The following LYN variants were observed in gnomAD, a reference collection of about 807,000 sequenced individuals.
LYN encodes tyrosine-protein kinase Lyn.
In LYN, 12 loss-of-function variants were observed where a neutral mutation model predicts 65.0. The ratio of observed to expected loss-of-function variants is 0.18; its 90% CI spans 0.12 to 0.30. LYN has a LOEUF of 0.30. LYN is among the 10% of genes least tolerant of loss of function. The pLI is 1.00. For missense variants in LYN, 380 were observed against 623.2 expected, an observed-to-expected ratio of 0.61 and a Z score of 4.16; for synonymous variants, 222 against 221.2, an observed-to-expected ratio of 1.00 and a Z score of -0.03.
rs1805288375 is a variant in LYN, at chr8:55,902,318, A to ACTTC, written c.-6+22218_-6+22219insCCTT. On this transcript the variant is annotated intron_variant, in intron 1 of 12. Coordinates refer to ENST00000519728, the MANE Select transcript of LYN (RefSeq NM_002350.4). ...CCATTGCGCCTGGCCGTAACAGTGT[A>ACTTC]CTTTCTTTCTTTCTTTTTTTTTTTT... is the stretch of plus-strand genomic sequence containing the variant. Among the ~76,000 whole-genome samples, 4 of 115,660 alleles carry ACTTC rather than the reference A, an allele frequency of 3.5e-5. No individual in the cohort carries two copies. In the Admixed American group the frequency reaches 4.0e-4, roughly 12 times the overall value. 75.9% of individuals were successfully genotyped at this position (115,660 alleles called of 152,430 possible).
chr8:55,965,745 T>A (rs1392986644), intron 8 of LYN, among the ~76,000 whole-genome samples: 1 of 152,222 alleles, frequency 6.6e-6, no homozygotes, highest in Non-Finnish European at 1.5e-5. Context: ...TGTGTATGTA[T>A]ATGTATGTAA....
In LYN at chr8:56,012,507, T is replaced by G. The variant is rs1808845645; in HGVS notation, c.*2397T>G. Reference sequence around the variant, plus strand: ...GGGAGGCTAAGGCAGGAGGATCGCTTGAGCTCAGGAGTTAGACACCAGCCT... The same window carrying G: ...GGGAGGCTAAGGCAGGAGGATCGCTGGAGCTCAGGAGTTAGACACCAGCCT... On this transcript the variant is annotated 3_prime_UTR_variant, in exon 13 of 13. Coordinates refer to ENST00000519728, the MANE Select transcript of LYN (RefSeq NM_002350.4). 2 of 162,642 alleles carry G rather than the reference T, an allele frequency of 1.2e-5. No individual in the cohort carries two copies. The highest frequency in any genetic ancestry group is 1.4e-5 in the Non-Finnish European group (1 of 74,058). The allele number at this position is 162,642 out of a possible 1,614,324, so 10.1% of individuals were successfully genotyped here. A position where few individuals can be genotyped will look rare whatever the true frequency, so the allele number is the denominator to read the frequency against.
rs144150282 is a variant in LYN, at chr8:55,978,408, G to A, written c.1050+8615G>A. Among the ~76,000 whole-genome samples the A allele has an allele frequency of 5.8e-3, 878 of 152,358 alleles. 5 individuals carry two copies. Among genetic ancestry groups the A allele is most frequent in the Non-Finnish European group, 8.9e-3 (607 of 68,032 alleles). On this transcript the variant is annotated intron_variant, in intron 10 of 12. Transcript: ENST00000519728. The stretch of plus-strand genomic sequence containing the variant: ...AGCTGAGGACCGCCATTGCGGGCAC[G>A]GGGTTGAGGTGGCTGATGAAATTAG...
At chr8:55,921,107 G>T (rs16922408) in intron 1 of LYN, among the ~76,000 whole-genome samples, 6,877 of 152,280 alleles carry the variant, frequency 0.045, 187 homozygotes, top group African/African-American at 0.08. Flanking sequence ...CGTCTGAAAC[G>T]AAAACAATTT....
intron 8 of LYN, among the ~76,000 whole-genome samples, chr8:55,958,936 T>C (rs1471486716): frequency 6.6e-6 from 1 of 152,240 alleles, no homozygotes; most frequent in Non-Finnish European, 1.5e-5. Flanking sequence ...CAGATACCTC[T>C]CTGAGACCTT....
chr8:55,910,735 G>A (rs1316545183), intron 1 of LYN, among the ~76,000 whole-genome samples: 2 of 151,950 alleles, frequency 1.3e-5, no homozygotes, highest in Non-Finnish European at 2.9e-5. Flanking sequence ...TTCCCAATAA[G>A]GCTATAAGCT....
chr8:55,932,146 G>C (rs1362321060), intron 1 of LYN, among the ~76,000 whole-genome samples: 1 of 152,092 alleles, frequency 6.6e-6, no homozygotes, highest in Non-Finnish European at 1.5e-5. Flanking sequence ...AGGGATACCA[G>C]AAAGAAGCAG....
At chr8:55,887,044 T>G (rs1363957233) in intron 1 of LYN, among the ~76,000 whole-genome samples, 1 of 152,244 alleles carries the variant, frequency 6.6e-6, no homozygotes, top group Admixed American at 6.5e-5. Context: ...ATAGGGAGGT[T>G]TATTAAACAA....
intron 8 of LYN, among the ~76,000 whole-genome samples, chr8:55,963,879 T>C (rs971885676): frequency 1.3e-5 from 2 of 152,262 alleles, no homozygotes; most frequent in African/African-American, 4.8e-5. Flanking sequence ...TGATTTGCTA[T>C]GGATATGCTC....
intron 1 of LYN, among the ~76,000 whole-genome samples, chr8:55,898,673 A>C (rs1805183628): frequency 6.6e-6 from 1 of 152,234 alleles, no homozygotes; most frequent in Admixed American, 6.5e-5. Context: ...GTATGTTCAC[A>C]GAGTTGTGCA....
intron 4 of LYN, among the ~76,000 whole-genome samples, chr8:55,948,049 C>A (rs1234450735): frequency 6.6e-6 from 1 of 152,142 alleles, no homozygotes; most frequent in African/African-American, 2.4e-5. Flanking sequence ...TCATAGCTCA[C>A]TGCAGCCTTG....
intron 1 of LYN, among the ~76,000 whole-genome samples, chr8:55,907,855 G>A (rs781763302): frequency 1.3e-5 from 2 of 152,084 alleles, no homozygotes; most frequent in African/African-American, 2.4e-5. Context: ...GACAGAGTGA[G>A]ACCCTGTTTC....
chr8:55,991,844 A>T (rs1036614857), intron 10 of LYN, among the ~76,000 whole-genome samples: 7 of 152,216 alleles, frequency 4.6e-5, no homozygotes, highest in African/African-American at 1.4e-4. Context: ...AGAAAATACC[A>T]TCATATGTTT....
In LYN at chr8:55,880,095, C is replaced by G; in HGVS notation, c.-14C>G. On this transcript the variant is annotated 5_prime_UTR_variant, in exon 1 of 13. Transcript: ENST00000519728. ...AGCTCCGCCGCCCCGAAACTTTCACCGCGAGCGGGTGAGTCCTCTGCGCGA... is the reference window on the plus strand; with the variant it reads ...AGCTCCGCCGCCCCGAAACTTTCACGGCGAGCGGGTGAGTCCTCTGCGCGA... 3.3e-6 allele frequency: 1 copy of G among 301,610 alleles called. No individual in the cohort carries two copies. The highest frequency in any genetic ancestry group is 2.5e-5 in the South Asian group (1 of 40,364). 18.7% of individuals were successfully genotyped at this position (301,610 alleles called of 1,614,324 possible).
intron 1 of LYN, among the ~76,000 whole-genome samples, chr8:55,887,557 AATAT>A (rs1196278216): frequency 1.3e-3 from 91 of 68,792 alleles, no homozygotes; most frequent in Admixed American, 2.2e-3. Context: ...TAAAAATATA[AATAT>A]ATATATATAT....
chr8:55,908,425 C>A (rs6474032), intron 1 of LYN, among the ~76,000 whole-genome samples: 104,394 of 151,192 alleles, frequency 0.69, 36,160 homozygotes, highest in East Asian at 0.95. Flanking sequence ...TTGTATTTTT[C>A]GTAGAGACAG....
intron 12 of LYN, among the ~76,000 whole-genome samples, chr8:55,999,762 G>A (rs1453883518): frequency 6.6e-6 from 1 of 152,064 alleles, no homozygotes; most frequent in African/African-American, 2.4e-5. Context: ...ACCTGAGGTC[G>A]GGAGTTGGAG....
intron 1 of LYN, among the ~76,000 whole-genome samples, chr8:55,899,639 C>CTTTTCTTTTCTT (rs889699357): frequency 6.6e-6 from 1 of 152,042 alleles, no homozygotes; most frequent in Non-Finnish European, 1.5e-5. Context: ...CATCCCTTTT[C>CTTTTCTTTTCTT]TTTTCTTTTC....
chr8:55,969,690 A>G, intron 9 of LYN, 27 bp from the exon 10 acceptor site: 1 of 1,566,930 alleles, frequency 6.4e-7, no homozygotes, highest in Non-Finnish European at 8.8e-7. Flanking sequence ...TTTGGAATGC[A>G]CTAACTTGTT....
Sources: gnomAD v4.1 joint callset for allele counts (sites outside exome capture counted in the v4.1 genomes callset) on GRCh38, gnomAD v4.1.1 for gene constraint, MANE v1.5 for transcripts, NCBI Gene and HGNC (gene_info 2026-07-23, HGNC 2026-07-21) for gene names.